The following SYTL5 variants were observed in gnomAD, a reference collection of about 807,000 sequenced individuals.
SYTL5 encodes synaptotagmin like 5.
Under a neutral mutation model 55.9 loss-of-function variants are expected in SYTL5, and 34 were observed. That is an observed-to-expected ratio of 0.61 (90% CI 0.46 to 0.81). The LOEUF is 0.81. SYTL5 is among the 30% of genes least tolerant of loss of function. SYTL5 has a pLI of 0.00. For missense variants in SYTL5, 637 were observed against 546.7 expected (o/e 1.17, Z -1.65); for synonymous variants, 221 against 188.7 (o/e 1.17, Z -1.40).
At chrX:38,096,716 A>T (rs930366381) in intron 9 of SYTL5, among the ~76,000 whole-genome samples, 2 of 111,517 alleles carry the variant, frequency 1.8e-5, no homozygotes, top group Admixed American at 1.9e-4. Flanking sequence ...GTTATTTCCC[A>T]GTCTAATATT....
chrX:37,995,788 T>A, the SYTL5 span, among the ~76,000 whole-genome samples: 1 of 112,351 alleles, frequency 8.9e-6, no homozygotes, highest in Non-Finnish European at 1.9e-5. Context: ...TCTTGACATG[T>A]TGATTAAATA....
chrX:38,073,442 A>G, intron 4 of SYTL5, 148 bp from the exon 5 acceptor site: 1 of 445,843 alleles, frequency 2.2e-6, no homozygotes, highest in Non-Finnish European at 3.9e-6. Flanking sequence ...ACTGTGTGAC[A>G]GAAAAACTTG....
At chrX:37,949,662 G>T in the SYTL5 span, among the ~76,000 whole-genome samples, 1 of 111,516 alleles carries the variant, frequency 9.0e-6, no homozygotes, top group East Asian at 2.8e-4. Flanking sequence ...CATAATGAGG[G>T]AAGCTTATTT....
intron 1 of SYTL5, among the ~76,000 whole-genome samples, chrX:38,015,856 A>G (rs1390092120): frequency 9.0e-6 from 1 of 111,266 alleles, no homozygotes; most frequent in Admixed American, 9.6e-5. Flanking sequence ...ATGAACTTCA[A>G]ATGATTTGTG....
chrX:37,968,576 G>C, the SYTL5 span, among the ~76,000 whole-genome samples: 1 of 111,755 alleles, frequency 8.9e-6, no homozygotes, highest in South Asian at 3.8e-4. Flanking sequence ...AGACATATTA[G>C]GTGGGAGGAT....
the SYTL5 span, among the ~76,000 whole-genome samples, chrX:37,894,961 T>C: frequency 9.0e-6 from 1 of 111,396 alleles, no homozygotes; most frequent in Admixed American, 9.6e-5. Flanking sequence ...CCACCAGCTT[T>C]CCTGGTGCTC....
chrX:37,982,680 G>A, the SYTL5 span, among the ~76,000 whole-genome samples: 2 of 111,346 alleles, frequency 1.8e-5, no homozygotes, highest in African/African-American at 6.5e-5. Flanking sequence ...GGGATGGGTG[G>A]GAGAAAAGCC....
intron 1 of SYTL5, among the ~76,000 whole-genome samples, chrX:38,018,847 A>G (rs1476524298): frequency 9.0e-6 from 1 of 111,727 alleles, no homozygotes; most frequent in Non-Finnish European, 1.9e-5. Context: ...AAAACGTCCC[A>G]AAAGTGACTC....
chrX:38,032,730 G>A (rs901168997), intron 1 of SYTL5, among the ~76,000 whole-genome samples: 3 of 110,346 alleles, frequency 2.7e-5, no homozygotes, highest in East Asian at 2.8e-4. Flanking sequence ...CTTCCGTAAC[G>A]TAATTTTTTT....
In SYTL5 at chrX:38,102,389, G is replaced by A. The variant is rs750697578; in HGVS notation, c.1110G>A (p.Ser370=). 2.2e-5 allele frequency: 27 copies of A among 1,207,165 alleles called. No individual in the cohort carries two copies. In the South Asian group the frequency reaches 2.8e-4, roughly 13 times the overall value. The change falls in exon 10 of 17, where the codon TCG becomes TCA. Residue 370 remains serine (S), a synonymous_variant. Coordinates refer to ENST00000297875, the MANE Select transcript of SYTL5 (RefSeq NM_138780.3). Reference sequence around the variant, plus strand: ...AAAGCATTGATGCCTTAGTGTCCTCGCAGTTATCTACAAACACTCACCGTC... The same window carrying A: ...AAAGCATTGATGCCTTAGTGTCCTCACAGTTATCTACAAACACTCACCGTC... ...TEESIDALVS[S]QLSTNTHRLA... is the part of the protein sequence containing the mutation.
chrX:37,929,385 C>G, the SYTL5 span, among the ~76,000 whole-genome samples: 3 of 111,805 alleles, frequency 2.7e-5, no homozygotes, highest in Admixed American at 2.8e-4. Flanking sequence ...GACCTGTGGG[C>G]TCTAGAAAAC....
At chrX:37,961,578 T>C in the SYTL5 span, among the ~76,000 whole-genome samples, 1 of 111,984 alleles carries the variant, frequency 8.9e-6, no homozygotes, top group Non-Finnish European at 1.9e-5. Flanking sequence ...AAGCTCTTCA[T>C]TGGACCTTGA....
the SYTL5 span, among the ~76,000 whole-genome samples, chrX:37,941,424 T>C: frequency 3.6e-5 from 4 of 111,810 alleles, no homozygotes. Flanking sequence ...CTTTAACATA[T>C]GAAGTTCAGA....
the SYTL5 span, among the ~76,000 whole-genome samples, chrX:37,982,639 G>A: frequency 9.0e-6 from 1 of 111,521 alleles, no homozygotes; most frequent in African/African-American, 3.3e-5. Flanking sequence ...ATATAGAAAT[G>A]TAATCTATTT....
At chrX:37,956,545 G>T in the SYTL5 span, among the ~76,000 whole-genome samples, 4,883 of 112,051 alleles carry the variant, frequency 0.044, 252 homozygotes, top group African/African-American at 0.15. Flanking sequence ...TGCATTATTT[G>T]TTCTTCTATA....
the SYTL5 span, among the ~76,000 whole-genome samples, chrX:37,967,494 C>G: frequency 8.9e-6 from 1 of 112,015 alleles, no homozygotes; most frequent in Non-Finnish European, 1.9e-5. Context: ...CTCTCTTTGA[C>G]TTTAACTTTT....
chrX:38,127,002 G>T lies in SYTL5; in HGVS notation c.*272G>T. 4.0e-6 allele frequency: 1 copy of T among 250,474 alleles called. No individual in the cohort carries two copies. The highest frequency in any genetic ancestry group is 7.1e-6 in the Non-Finnish European group (1 of 140,705). The allele number at this position is 250,474 out of a possible 1,213,427, so 20.6% of individuals were successfully genotyped here. ...AAGCAAATTGTGCAAAGGCTTATAG[G>T]GTTTATGCCATAAAAGAAATGGCAC... On this transcript the variant is annotated 3_prime_UTR_variant, in exon 17 of 17. Coordinates refer to ENST00000297875, the MANE Select transcript of SYTL5 (RefSeq NM_138780.3).
intron 1 of SYTL5, among the ~76,000 whole-genome samples, chrX:38,023,661 A>T (rs1934644679): frequency 9.0e-6 from 1 of 111,722 alleles, no homozygotes; most frequent in Non-Finnish European, 1.9e-5. Flanking sequence ...CTCATTTTAA[A>T]ATTGAACATC....
In SYTL5 at chrX:38,081,141, C is replaced by T. The variant is rs1448969977; in HGVS notation, c.689+4440C>T. On this transcript the variant is annotated intron_variant, in intron 6 of 16. Coordinates refer to ENST00000297875, the MANE Select transcript of SYTL5 (RefSeq NM_138780.3). ...ACTTTCACCTCTTTCCTGTGCCTTT[C>T]CCTCCTTTGTCACTGCTAATTCCTT... Among the ~76,000 whole-genome samples the T allele has an allele frequency of 5.4e-5, 6 of 111,791 alleles. No individual in the cohort carries two copies. In the East Asian group the frequency reaches 1.7e-3, roughly 31 times the overall value.
Sources: allele counts gnomAD v4.1 joint callset (sites outside exome capture counted in the v4.1 genomes callset), GRCh38; gene constraint gnomAD v4.1.1; transcripts MANE v1.5; gene names NCBI Gene and HGNC (gene_info 2026-07-23, HGNC 2026-07-21).